C5orf58: variants seen among roughly 807,000 people sequenced by gnomAD.
C5orf58 encodes the protein chromosome 5 open reading frame 58, also known as putative uncharacterized protein C5orf58.
In C5orf58, 2 loss-of-function variants were observed where a neutral mutation model predicts 2.9. The ratio of observed to expected loss-of-function variants is 0.69; its 90% CI spans 0.28 to 2.18. The LOEUF (loss-of-function observed/expected upper bound fraction) is 2.18, where lower values mean the gene tolerates loss of function less well. Ranked by LOEUF, C5orf58 falls within the 30% of genes most tolerant of loss-of-function variation. The pLI, the probability that C5orf58 is intolerant of heterozygous loss-of-function variation, is 0.13. For missense variants in C5orf58, 96 were observed against 91.7 expected (o/e 1.05, Z -0.19); for synonymous variants, 37 against 33.4 (o/e 1.11, Z -0.37).
At chr5:170,241,786 T>C (rs2113113149) in intron 3 of C5orf58, among the ~76,000 whole-genome samples, 1 of 148,904 alleles carries the variant, frequency 6.7e-6, no homozygotes, top group East Asian at 2.0e-4. Context: ...TCCTGCCTAA[T>C]TGCCCTGGCC....
intron 1 of C5orf58, 169 bp from the exon 2 acceptor site, chr5:170,233,946 A>T: frequency 2.7e-6 from 1 of 371,712 alleles, no homozygotes; most frequent in South Asian, 2.1e-5. Context: ...TTGTTTTTGA[A>T]GTTCTTTAAT....
intron 3 of C5orf58, among the ~76,000 whole-genome samples, chr5:170,243,028 G>A (rs1305955078): frequency 1.3e-5 from 2 of 148,306 alleles, no homozygotes; most frequent in African/African-American, 5.0e-5. Context: ...CCTTCATTTC[G>A]TTATGTATCC....
chr5:170,245,041 G>A (rs960106585), intron 3 of C5orf58, among the ~76,000 whole-genome samples: 5 of 150,090 alleles, frequency 3.3e-5, no homozygotes, highest in African/African-American at 1.2e-4. Context: ...ACCCTGCCGT[G>A]TGAGGTGTCA....
At chr5:170,233,342 C>G (rs928298838) in intron 1 of C5orf58, 1 of 152,390 alleles carries the variant, frequency 6.6e-6, no homozygotes, top group African/African-American at 2.4e-5. Flanking sequence ...GTGGAAACTT[C>G]CAGATGCCTC....
downstream of C5orf58, chr5:170,246,361 C>T: frequency 3.4e-6 from 1 of 291,962 alleles, no homozygotes; most frequent in South Asian, 8.1e-5. Flanking sequence ...GAATTTGGCT[C>T]AGGTTGAAAG....
intron 3 of C5orf58, among the ~76,000 whole-genome samples, chr5:170,240,279 G>A (rs1274943083): frequency 6.8e-6 from 1 of 146,448 alleles, no homozygotes; most frequent in East Asian, 2.0e-4. Context: ...ATAGTCCTTT[G>A]GGTATATACC....
intron 3 of C5orf58, among the ~76,000 whole-genome samples, chr5:170,240,136 T>C (rs1486897068): frequency 6.6e-6 from 1 of 151,076 alleles, no homozygotes; most frequent in Non-Finnish European, 1.5e-5. Flanking sequence ...TAGTATTCCA[T>C]GGTGTATATG....
chr5:170,234,501 A>G (rs984787343), intron 2 of C5orf58, among the ~76,000 whole-genome samples: 27 of 152,226 alleles, frequency 1.8e-4, no homozygotes, highest in African/African-American at 6.0e-4. Context: ...CTCTTAGTGG[A>G]TTATAATTGA....
chr5:170,239,367 T>G (rs940235471), intron 3 of C5orf58, among the ~76,000 whole-genome samples: 1 of 151,504 alleles, frequency 6.6e-6, no homozygotes, highest in Non-Finnish European at 1.5e-5. Flanking sequence ...ATCTTAATCT[T>G]CTGTGTCAGA....
chr5:170,251,983 T>C lies in C5orf58; in HGVS notation c.*328T>C, dbSNP rs947250798. The C allele has an allele frequency of 1.9e-5, 4 of 215,524 alleles. 1 individual carries two copies. The South Asian group carries it at 2.0e-4, about 11-fold the overall frequency. The allele number at this position is 215,524 out of a possible 1,614,324, so 13.4% of individuals were successfully genotyped here. On this transcript the variant is annotated 3_prime_UTR_variant, in exon 3 of 3. Transcript: ENST00000517575. ...GAAATATGTTTAAGACTTTATGATA[T>C]TAAAGGACTAGCTAGAAACGTCTAG... is the stretch of plus-strand genomic sequence containing the variant.
At position 170,240,990 on chromosome 5, in the gene C5orf58, A is replaced by G. The variant is rs200157066; in HGVS notation, c.95-4972A>G. On this transcript the variant is annotated intron_variant, in intron 3 of 3. Transcript: ENST00000593851. ...AAGGGATCCAGTTTCAGCTTTCTACATATGGCTAGCCAGTTTTCCCAGCAC... is the reference window on the plus strand; with the variant it reads ...AAGGGATCCAGTTTCAGCTTTCTACGTATGGCTAGCCAGTTTTCCCAGCAC... Among the ~76,000 whole-genome samples, 66 of 149,178 alleles carry G rather than the reference A, an allele frequency of 4.4e-4. 1 individual carries two copies. The East Asian group carries it at 0.011, about 25-fold the overall frequency.
intron 3 of C5orf58, among the ~76,000 whole-genome samples, chr5:170,240,021 C>T (rs372967051): frequency 6.0e-5 from 9 of 149,298 alleles, no homozygotes; most frequent in South Asian, 4.3e-4. Context: ...TGAGAATATG[C>T]GGTGTTTGGT....
chr5:170,245,923 TG>T (rs1761262354), intron 3 of C5orf58, 38 bp from the exon 4 acceptor site: 6 of 1,575,284 alleles, frequency 3.8e-6, no homozygotes, highest in Non-Finnish European at 5.2e-6. Flanking sequence ...TTATGACATA[TG>T]TGCTACAATA....
downstream of C5orf58, chr5:170,248,586 C>T: frequency 1.8e-6 from 2 of 1,123,204 alleles, no homozygotes; most frequent in Non-Finnish European, 2.6e-6. Flanking sequence ...CCCTTGTGTT[C>T]ATGGGGAGGG....
At chr5:170,252,519 T>G, downstream of C5orf58, 1 of 1,455,610 alleles carries the variant, frequency 6.9e-7, no homozygotes, top group Non-Finnish European at 9.5e-7. Flanking sequence ...ATTCTGAAAA[T>G]GTAAATTTTT....
At chr5:170,251,863 C>G (rs574166928) in exon 3 of C5orf58, 1 of 290,582 alleles carries the variant, frequency 3.4e-6, no homozygotes, top group East Asian at 7.7e-5. Context: ...CTACTGAGAA[C>G]TACTGGTGTG....
intron 3 of C5orf58, among the ~76,000 whole-genome samples, chr5:170,245,459 G>A (rs529102141): frequency 1.2e-4 from 18 of 152,326 alleles, no homozygotes; most frequent in East Asian, 1.9e-4. Context: ...AGCCAGGTGC[G>A]GGATATAATC....
At chr5:170,250,644 A>C (rs146059783), downstream of C5orf58, 5 of 1,055,536 alleles carry the variant, frequency 4.7e-6, no homozygotes, top group Admixed American at 8.9e-5. Context: ...GCCATACAGC[A>C]CGGACTCTCA....
chr5:170,246,516 TCC>T (rs1761298413), downstream of C5orf58: 3 of 159,296 alleles, frequency 1.9e-5, no homozygotes, highest in Admixed American at 1.8e-4. Flanking sequence ...ATTTCAGGGA[TCC>T]CACTAATTTG....
Sources: allele counts gnomAD v4.1 joint callset (sites outside exome capture counted in the v4.1 genomes callset), GRCh38; gene constraint gnomAD v4.1.1; transcripts MANE v1.5; gene names NCBI Gene and HGNC (gene_info 2026-07-23, HGNC 2026-07-21).